The following ZDHHC14 variants were observed in gnomAD, a reference collection of about 807,000 sequenced individuals.
ZDHHC14 encodes zDHHC palmitoyltransferase 14.
In ZDHHC14, 16 loss-of-function variants were observed where a neutral mutation model predicts 47.7. That is an observed-to-expected ratio of 0.34 (90% CI 0.23 to 0.51). The LOEUF is 0.51. Among genes scored for constraint, ZDHHC14 ranks in the 20% least tolerant of loss-of-function variants. The pLI is 0.97. For synonymous variants in ZDHHC14, 293 were observed against 278.9 expected, an observed-to-expected ratio of 1.05 and a Z score of -0.50; for missense variants, 515 against 662.5, an observed-to-expected ratio of 0.78 and a Z score of 2.44.
chr6:157,600,475 A>T (rs1264443795), intron 3 of ZDHHC14, among the ~76,000 whole-genome samples: 1 of 152,170 alleles, frequency 6.6e-6, no homozygotes, highest in Non-Finnish European at 1.5e-5. Flanking sequence ...GCTGGAGTGC[A>T]GCTCACTGCA....
In ZDHHC14 at chr6:157,417,762, C is replaced by T. The variant is rs112776751; in HGVS notation, c.245+35496C>T. On this transcript the variant is annotated intron_variant, in intron 1 of 8. Transcript: ENST00000359775. ...TTGGGAGGCCGAGGCGGGCGGATCA[C>T]GCTAATGTGGTGAAACCCCGTCTCT... 5.3e-5 allele frequency among the ~76,000 whole-genome samples: 8 copies of T among 152,200 alleles called. No homozygotes were observed. The South Asian group carries it at 6.2e-4, about 12-fold the overall frequency.
intron 5 of ZDHHC14, among the ~76,000 whole-genome samples, 181 bp downstream of exon 5, chr6:157,633,063 C>T (rs1460359213): frequency 6.6e-6 from 1 of 152,192 alleles, no homozygotes; most frequent in African/African-American, 2.4e-5. Flanking sequence ...CCCTGAGTGA[C>T]TCAGCCTGTT....
intron 1 of ZDHHC14, among the ~76,000 whole-genome samples, chr6:157,428,327 G>A (rs1778263138): frequency 6.6e-6 from 1 of 152,140 alleles, no homozygotes; most frequent in South Asian, 2.1e-4. Context: ...AAGTGGACTG[G>A]ATTTGCCAAG....
At chr6:157,584,410 T>C (rs1177199476) in intron 2 of ZDHHC14, among the ~76,000 whole-genome samples, 1 of 152,242 alleles carries the variant, frequency 6.6e-6, no homozygotes, top group East Asian at 1.9e-4. Context: ...GAAAGAATCT[T>C]ACTCTACATC....
chr6:157,413,009 C>T (rs924038236), intron 1 of ZDHHC14, among the ~76,000 whole-genome samples: 3 of 152,066 alleles, frequency 2.0e-5, no homozygotes, highest in African/African-American at 4.8e-5. Flanking sequence ...GAAAGGAGGT[C>T]GGCTCACAGT....
At chr6:157,540,910 G>GTATATATATATATA (rs1554264587) in intron 1 of ZDHHC14, among the ~76,000 whole-genome samples, 20 of 122,978 alleles carry the variant, frequency 1.6e-4, no homozygotes, top group African/African-American at 7.8e-4. Flanking sequence ...GTGTGTGTGT[G>GTATATATATATATA]TATATATATA....
intron 1 of ZDHHC14, among the ~76,000 whole-genome samples, chr6:157,481,820 A>C (rs550921885): frequency 6.8e-6 from 1 of 147,396 alleles, no homozygotes; most frequent in Non-Finnish European, 1.5e-5. Context: ...GTTTCTTTCT[A>C]TCTATCTATC....
intron 4 of ZDHHC14, chr6:157,630,308 A>G (rs370763333): frequency 1.7e-4 from 26 of 152,036 alleles, no homozygotes; most frequent in African/African-American, 6.0e-4. Context: ...ATCACCTTTC[A>G]CAACCTCAAG....
intron 2 of ZDHHC14, among the ~76,000 whole-genome samples, chr6:157,557,847 G>A (rs1334041393): frequency 6.6e-6 from 1 of 152,216 alleles, no homozygotes; most frequent in East Asian, 1.9e-4. Context: ...GAGTACTGGG[G>A]ACTGCTCTCA....
At chr6:157,443,954 G>T (rs1371614207) in intron 1 of ZDHHC14, among the ~76,000 whole-genome samples, 4 of 152,184 alleles carry the variant, frequency 2.6e-5, no homozygotes, top group African/African-American at 9.7e-5. Flanking sequence ...ACTAGTAAAT[G>T]AATATGGTAT....
intron 1 of ZDHHC14, among the ~76,000 whole-genome samples, chr6:157,409,985 T>C (rs1777842184): frequency 6.6e-6 from 1 of 151,930 alleles, no homozygotes; most frequent in Non-Finnish European, 1.5e-5. Flanking sequence ...CATGCCACCA[T>C]CACGCCCGGC....
chr6:157,528,241 T>C (rs1261153089), intron 1 of ZDHHC14, among the ~76,000 whole-genome samples: 1 of 152,222 alleles, frequency 6.6e-6, no homozygotes, highest in East Asian at 1.9e-4. Flanking sequence ...CATGGGGAAG[T>C]CCTCAGGAAT....
At chr6:157,571,776 A>ATTTTTT (rs548623336) in intron 2 of ZDHHC14, among the ~76,000 whole-genome samples, 22 of 122,478 alleles carry the variant, frequency 1.8e-4, no homozygotes, top group African/African-American at 5.6e-4. Flanking sequence ...AGGAATCTGT[A>ATTTTTT]TTTTTTTTTT....
chr6:157,540,248 G>C (rs1488172325), intron 1 of ZDHHC14, among the ~76,000 whole-genome samples: 1 of 152,200 alleles, frequency 6.6e-6, no homozygotes. Context: ...GTGATGAGAG[G>C]CCGCAGAGGC....
chr6:157,566,620 A>T (rs1782912434), intron 2 of ZDHHC14, among the ~76,000 whole-genome samples: 1 of 152,154 alleles, frequency 6.6e-6, no homozygotes, highest in Non-Finnish European at 1.5e-5. Flanking sequence ...ACCAAGCGGG[A>T]GGTCCCTGGA....
chr6:157,514,970 A>G (rs554607164), intron 1 of ZDHHC14, among the ~76,000 whole-genome samples: 2 of 152,346 alleles, frequency 1.3e-5, no homozygotes, highest in South Asian at 2.1e-4. Flanking sequence ...AAGTGTTTGC[A>G]TCGGGGCCTT....
chr6:157,647,228 T>G (rs1346185870), intron 6 of ZDHHC14, 31 bp from the exon 7 acceptor site: 1 of 1,536,452 alleles, frequency 6.5e-7, no homozygotes, highest in South Asian at 1.1e-5. Flanking sequence ...GTGGAAGATA[T>G]TGCTTGTTAC....
At chr6:157,394,176 A>G (rs1777477247) in intron 1 of ZDHHC14, among the ~76,000 whole-genome samples, 1 of 152,176 alleles carries the variant, frequency 6.6e-6, no homozygotes, top group South Asian at 2.1e-4. Flanking sequence ...ACCCACCGCC[A>G]TCAGGCTGTA....
chr6:157,501,006 G>A (rs1780180444), intron 1 of ZDHHC14, among the ~76,000 whole-genome samples: 2 of 152,168 alleles, frequency 1.3e-5, no homozygotes, highest in Non-Finnish European at 2.9e-5. Flanking sequence ...TTAGCATATT[G>A]GAAAGATTGG....
Sources: gnomAD v4.1 joint callset for allele counts (sites outside exome capture counted in the v4.1 genomes callset) on GRCh38, gnomAD v4.1.1 for gene constraint, MANE v1.5 for transcripts, NCBI Gene and HGNC (gene_info 2026-07-23, HGNC 2026-07-21) for gene names.